TSNAXIP1: variants seen among roughly 807,000 people sequenced by gnomAD.
TSNAXIP1 encodes translin associated factor X interacting protein 1, also known as translin-associated factor X-interacting protein 1.
Under a neutral mutation model 84.8 loss-of-function variants are expected in TSNAXIP1, and 89 were observed. The observed-to-expected ratio is 1.05, with a 90% CI of 0.88 to 1.25. TSNAXIP1 has a LOEUF of 1.25. TSNAXIP1 is among the 50% of genes most tolerant of loss of function. The pLI, the probability that TSNAXIP1 is intolerant of heterozygous loss-of-function variation, is 0.00. For synonymous variants in TSNAXIP1, 347 were observed against 335.2 expected, an observed-to-expected ratio of 1.04 and a Z score of -0.39; for missense variants, 874 against 887.6, an observed-to-expected ratio of 0.98 and a Z score of 0.20.
intron 1 of TSNAXIP1, among the ~76,000 whole-genome samples, chr16:67,810,270 G>A (rs1051816204): frequency 2.6e-5 from 4 of 152,064 alleles, no homozygotes; most frequent in South Asian, 2.1e-4. Flanking sequence ...AGCAGCTTGC[G>A]TTCACTGAAT....
chr16:67,808,348 G>C (rs1288117007), intron 1 of TSNAXIP1, among the ~76,000 whole-genome samples: 2 of 152,114 alleles, frequency 1.3e-5, no homozygotes, highest in South Asian at 2.1e-4. Flanking sequence ...AGGCCGAGGC[G>C]GGGGGATCAC....
At chr16:67,814,225 TG>T in intron 1 of TSNAXIP1, 76 bp from the exon 2 acceptor site, 1 of 1,192,900 alleles carries the variant, frequency 8.4e-7, no homozygotes, top group Non-Finnish European at 1.2e-6. Flanking sequence ...CTATGCCTTG[TG>T]GATCTAGAAA....
chr16:67,813,626 G>C (rs565820353), intron 1 of TSNAXIP1, among the ~76,000 whole-genome samples: 81 of 150,788 alleles, frequency 5.4e-4, no homozygotes, highest in African/African-American at 1.9e-3. Flanking sequence ...CCAGCTACTC[G>C]GGATGCTGAG....
At position 67,827,994 on chromosome 16, in the gene TSNAXIP1, G is replaced by A; in HGVS notation, c.*1G>A. The A allele has an allele frequency of 6.2e-7, 1 of 1,612,442 alleles. No homozygotes were observed. Among genetic ancestry groups the A allele is most frequent in the Non-Finnish European group, 8.5e-7 (1 of 1,179,502 alleles). ...TCGAGAGCCAGAGCCTGCAAGCTAG[G>A]AACTTGTGGGCAGCCTGCGTACTCC... On this transcript the variant is annotated 3_prime_UTR_variant, in exon 16 of 16. Transcript: ENST00000561639.
At position 67,806,973 on chromosome 16, in the gene TSNAXIP1, A is replaced by C; in HGVS notation, c.-177A>C. ...GGCACCCGCTGCCGGGTCCCAGTCC[A>C]CCTTTGCTACTTTGTCCTACTCCCA... On this transcript the variant is annotated 5_prime_UTR_variant, in exon 1 of 16. Transcript: ENST00000561639. 9.9e-7 allele frequency: 1 copy of C among 1,005,456 alleles called. No homozygotes were observed. The highest frequency in any genetic ancestry group is 2.7e-5 in the East Asian group (1 of 37,692). The allele number at this position is 1,005,456 out of a possible 1,614,324, so 62.3% of individuals were successfully genotyped here.
At position 67,814,409 on chromosome 16, in the gene TSNAXIP1, A is replaced by T; in HGVS notation, c.147+8A>T. On this transcript the variant is annotated splice_region_variant and intron_variant, in intron 2 of 15. Coordinates refer to ENST00000561639, the MANE Select transcript of TSNAXIP1 (RefSeq NM_001288990.3). ...CAGAAACGAAGGACGCTGGTTAGTG[A>T]CAATGTTGTTTTGGAACCCCAAATG... The T allele has an allele frequency of 6.5e-7, 1 of 1,535,218 alleles. No individual in the cohort carries two copies. Among genetic ancestry groups the T allele is most frequent in the East Asian group, 2.4e-5 (1 of 40,898 alleles).
At chr16:67,820,777 G>C (rs2056977920) in intron 2 of TSNAXIP1, 62 bp from the exon 3 acceptor site, 4 of 1,262,358 alleles carry the variant, frequency 3.2e-6, no homozygotes, top group Non-Finnish European at 4.4e-6. Context: ...AGGAGAGATG[G>C]AGAGAAACAT....
At chr16:67,813,001 A>G (rs1354148661) in intron 1 of TSNAXIP1, among the ~76,000 whole-genome samples, 1 of 151,598 alleles carries the variant, frequency 6.6e-6, no homozygotes, top group African/African-American at 2.4e-5. Flanking sequence ...GCTCACTGCA[A>G]CCTCCGCCTC....
At chr16:67,810,129 A>G (rs879615212) in intron 1 of TSNAXIP1, among the ~76,000 whole-genome samples, 6 of 152,094 alleles carry the variant, frequency 3.9e-5, no homozygotes, top group South Asian at 2.1e-4. Context: ...AGACCTTAGC[A>G]CTGTGGAACA....
chr16:67,812,174 C>G (rs541905788), intron 1 of TSNAXIP1, among the ~76,000 whole-genome samples: 14 of 152,012 alleles, frequency 9.2e-5, no homozygotes, highest in African/African-American at 2.9e-4. Context: ...CACCCCCACC[C>G]CATGGATTGT....
At chr16:67,825,634 T>C (rs751726977) in intron 7 of TSNAXIP1, 33 bp from the exon 8 acceptor site, 8 of 1,584,606 alleles carry the variant, frequency 5.0e-6, no homozygotes, top group South Asian at 1.1e-5. Context: ...AAAGCCACGG[T>C]GACACGGGCT....
Position 67,826,569 on chromosome 16 carries a change from T to G in TSNAXIP1, c.1401+7T>G, listed in dbSNP as rs548407646. On this transcript the variant is annotated splice_region_variant and intron_variant, in intron 11 of 15. Coordinates refer to ENST00000561639, the MANE Select transcript of TSNAXIP1 (RefSeq NM_001288990.3). Reference sequence around the variant, plus strand: ...ACGTCTTGCTGAGGAGCAGGTCAGATCTCACCAGCCACTCTGGCCCAGCAT... The same window carrying G: ...ACGTCTTGCTGAGGAGCAGGTCAGAGCTCACCAGCCACTCTGGCCCAGCAT... 11 of 1,614,058 alleles carry G rather than the reference T, an allele frequency of 6.8e-6. No individual in the cohort carries two copies. The South Asian group carries it at 1.2e-4, about 18-fold the overall frequency.
Position 67,825,687 on chromosome 16 carries a change from G to C in TSNAXIP1, c.835G>C (p.Val279Leu), listed in dbSNP as rs773705426. The C allele has an allele frequency of 3.1e-6, 5 of 1,613,332 alleles. No homozygotes were observed. The Admixed American group carries it at 5.0e-5, about 16-fold the overall frequency. The change falls in exon 8 of 16, where the codon GTG becomes CTG. Residue 279 changes from valine (V) to leucine (L), a missense_variant. Physicochemically the swap from Val to Leu is conservative, Grantham distance 32. Coordinates refer to ENST00000561639, the MANE Select transcript of TSNAXIP1 (RefSeq NM_001288990.3). ...GGCAGGCATCTGGGGGGAGGACCCT[G>C]TGAAGTTAACCCTGGCTCTTAAGAT... ...QSPGIWGEDP[V>L]KLTLALKMTR...
intron 5 of TSNAXIP1, 79 bp downstream of exon 5, chr16:67,823,798 C>G: frequency 7.9e-7 from 1 of 1,271,818 alleles, no homozygotes; most frequent in South Asian, 1.2e-5. Context: ...CGGTAGATCA[C>G]TTGAGGTCAG....
intron 2 of TSNAXIP1, among the ~76,000 whole-genome samples, chr16:67,814,679 C>G (rs781490031): frequency 6.6e-6 from 1 of 152,186 alleles, no homozygotes; most frequent in South Asian, 2.1e-4. Context: ...AGACATCCCT[C>G]CCCAGCAGCT....
Position 67,825,700 on chromosome 16 carries a change from T to C in TSNAXIP1, c.848T>C (p.Leu283Pro). 6.2e-7 allele frequency: 1 copy of C among 1,614,036 alleles called. No homozygotes were observed. Among genetic ancestry groups the C allele is most frequent in the Non-Finnish European group, 8.5e-7 (1 of 1,179,962 alleles). The change falls in exon 8 of 16, where the codon CTG (leucine) becomes CCG (proline). Residue 283 changes from leucine to proline, a missense_variant. By Grantham distance (98) the Leu-to-Pro change is moderately conservative (BLOSUM62 -3). Coordinates refer to ENST00000561639, the MANE Select transcript of TSNAXIP1 (RefSeq NM_001288990.3). The part of the protein sequence containing the change: ...IWGEDPVKLT[L>P]ALKMTRQDLT... The stretch of plus-strand genomic sequence containing the variant: ...GGGGAGGACCCTGTGAAGTTAACCC[T>C]GGCTCTTAAGATGACCCGGCAAGAC...
chr16:67,816,272 G>T (rs946359559), intron 2 of TSNAXIP1, among the ~76,000 whole-genome samples: 2 of 151,982 alleles, frequency 1.3e-5, no homozygotes, highest in African/African-American at 4.8e-5. Context: ...TGGCCCCAAT[G>T]CTGTCTTATT....
Position 67,827,790 on chromosome 16 carries a change from C to A in TSNAXIP1, c.1936C>A (p.Leu646Met). 6.2e-7 allele frequency: 1 copy of A among 1,614,156 alleles called. No individual in the cohort carries two copies. The highest frequency in any genetic ancestry group is 1.1e-5 in the South Asian group (1 of 91,088). The stretch of plus-strand genomic sequence containing the variant: ...GACTCTGCCCAAGCTGCGAGGGGGC[C>A]TGATGACCATCGACCCCAGCCTGGA... ...EVTLPKLRGGLMTIDPSLDKQ... is the reference protein window; with the variant it reads ...EVTLPKLRGGMMTIDPSLDKQ... Residue 646 changes from leucine (L) to methionine (M), a missense_variant, in exon 16 of 16, where the codon CTG becomes ATG. Leu to Met is a conservative substitution (Grantham distance 15). Transcript: ENST00000561639.
At position 67,820,821 on chromosome 16, in the gene TSNAXIP1, A is replaced by C; in HGVS notation, c.148-18A>C. ...GGAGCAATGTTGCCATGGCAACCCC[A>C]CCTGTACCTCCCTGCAGACTGGTCA... On this transcript the variant is annotated intron_variant, in intron 2 of 15. Transcript: ENST00000561639. 1 of 1,503,300 alleles carries C rather than the reference A, an allele frequency of 6.7e-7. No homozygotes were observed. Among genetic ancestry groups the C allele is most frequent in the Non-Finnish European group, 8.9e-7 (1 of 1,122,002 alleles). 93.1% of individuals were successfully genotyped at this position (1,503,300 alleles called of 1,614,324 possible).
Sources: gnomAD v4.1 joint callset for allele counts (sites outside exome capture counted in the v4.1 genomes callset) on GRCh38, gnomAD v4.1.1 for gene constraint, MANE v1.5 for transcripts, NCBI Gene and HGNC (gene_info 2026-07-23, HGNC 2026-07-21) for gene names.